The following PPM1E variants were observed in gnomAD, a reference collection of about 807,000 sequenced individuals.
PPM1E encodes the protein protein phosphatase 1E.
A neutral mutation model predicts 65.9 loss-of-function variants in PPM1E; 20 were observed. That is an observed-to-expected ratio of 0.30 (90% CI 0.21 to 0.44). The LOEUF (loss-of-function observed/expected upper bound fraction) is 0.44, where lower values mean the gene tolerates loss of function less well. PPM1E is among the 20% of genes least tolerant of loss of function. The pLI, the probability that PPM1E is intolerant of heterozygous loss-of-function variation, is 1.00. For missense variants in PPM1E, 713 were observed against 953.1 expected, an observed-to-expected ratio of 0.75 and a Z score of 3.32; for synonymous variants, 352 against 374.9, an observed-to-expected ratio of 0.94 and a Z score of 0.70.
chr17:58,956,411 G>A (rs1406281538), intron 2 of PPM1E, among the ~76,000 whole-genome samples: 1 of 151,432 alleles, frequency 6.6e-6, no homozygotes, highest in Non-Finnish European at 1.5e-5. Context: ...ACTCCAGCCT[G>A]GGAGAAAGAG....
intron 1 of PPM1E, among the ~76,000 whole-genome samples, chr17:58,897,143 G>T (rs1169743419): frequency 2.0e-5 from 3 of 152,108 alleles, no homozygotes; most frequent in Non-Finnish European, 4.4e-5. Flanking sequence ...GGCCGGGCGC[G>T]GTGGCTCACG....
intron 1 of PPM1E, among the ~76,000 whole-genome samples, chr17:58,813,004 A>C (rs1423534285): frequency 6.6e-6 from 1 of 152,198 alleles, no homozygotes; most frequent in Non-Finnish European, 1.5e-5. Flanking sequence ...ACAGTGATAC[A>C]TGTTTGTTTT....
intron 1 of PPM1E, among the ~76,000 whole-genome samples, chr17:58,846,647 C>T (rs905111661): frequency 2.0e-5 from 3 of 152,132 alleles, no homozygotes; most frequent in African/African-American, 7.2e-5. Context: ...ATATGTGCCA[C>T]GTTTTCTTAA....
rs533264865 is a variant in PPM1E, at chr17:58,840,523, A to G, written c.464+84062A>G. On this transcript the variant is annotated intron_variant, in intron 1 of 6. Coordinates refer to ENST00000308249, the MANE Select transcript of PPM1E (RefSeq NM_014906.5). Reference sequence around the variant, plus strand: ...ATCTTGGTTTCTAATATTATTCTTCAGTAAGAGTAACCAGGACTCCTTGGA... The same window carrying G: ...ATCTTGGTTTCTAATATTATTCTTCGGTAAGAGTAACCAGGACTCCTTGGA... 2.0e-5 allele frequency among the ~76,000 whole-genome samples: 3 copies of G among 152,302 alleles called. No individual in the cohort carries two copies. The South Asian group carries it at 6.2e-4, about 32-fold the overall frequency.
At chr17:58,868,740 G>C (rs1360554685) in intron 1 of PPM1E, among the ~76,000 whole-genome samples, 1 of 151,770 alleles carries the variant, frequency 6.6e-6, no homozygotes, top group African/African-American at 2.4e-5. Context: ...CCTTGGTTAG[G>C]GTATGGGACC....
intron 1 of PPM1E, among the ~76,000 whole-genome samples, chr17:58,784,480 C>T (rs2050078914): frequency 1.3e-5 from 2 of 150,450 alleles, no homozygotes; most frequent in South Asian, 2.1e-4. Flanking sequence ...TCATTCAAAT[C>T]CTTTACCCTC....
chr17:58,946,861 G>T (rs1396471751), intron 1 of PPM1E, among the ~76,000 whole-genome samples: 4 of 151,606 alleles, frequency 2.6e-5, no homozygotes. Context: ...TTTTCTGCTT[G>T]TGCTTTTGGT....
chr17:58,825,521 A>C (rs888951363), intron 1 of PPM1E, among the ~76,000 whole-genome samples: 2 of 151,880 alleles, frequency 1.3e-5, no homozygotes, highest in Non-Finnish European at 2.9e-5. Flanking sequence ...TTTTTTCAGG[A>C]AACAAATGAA....
intron 1 of PPM1E, among the ~76,000 whole-genome samples, chr17:58,927,978 T>TG (rs1156864677): frequency 6.6e-6 from 1 of 151,806 alleles, no homozygotes; most frequent in Non-Finnish European, 1.5e-5. Context: ...GAAAATCACT[T>TG]GAACCTGGGA....
intron 4 of PPM1E, among the ~76,000 whole-genome samples, chr17:58,970,362 A>G (rs1433100479): frequency 2.6e-5 from 4 of 152,196 alleles, no homozygotes; most frequent in African/African-American, 9.6e-5. Context: ...AAATTAATCT[A>G]ATTATCGTTC....
chr17:58,759,336 TGA>T (rs1415779783), intron 1 of PPM1E, among the ~76,000 whole-genome samples: 4 of 152,204 alleles, frequency 2.6e-5, no homozygotes, highest in Non-Finnish European at 5.9e-5. Context: ...AATGACAATC[TGA>T]GAATTTCTGA....
chr17:58,866,467 C>T (rs1390857955), intron 1 of PPM1E, among the ~76,000 whole-genome samples: 1 of 152,236 alleles, frequency 6.6e-6, no homozygotes, highest in Non-Finnish European at 1.5e-5. Context: ...CTGTGATCAG[C>T]CCATCCTCCA....
intron 1 of PPM1E, chr17:58,897,759 A>G (rs2051440819): frequency 1.3e-5 from 2 of 152,202 alleles, no homozygotes; most frequent in Non-Finnish European, 2.9e-5. Flanking sequence ...ATTAGGCTTC[A>G]TCTGTAACCC....
intron 1 of PPM1E, among the ~76,000 whole-genome samples, chr17:58,810,951 G>A (rs1287746617): frequency 3.3e-5 from 5 of 151,740 alleles, no homozygotes; most frequent in African/African-American, 1.2e-4. Context: ...TCCACCTCCC[G>A]GGTTCAAGCG....
chr17:58,852,049 G>A (rs1011968623), intron 1 of PPM1E, among the ~76,000 whole-genome samples: 6 of 152,180 alleles, frequency 3.9e-5, no homozygotes, highest in Admixed American at 1.3e-4. Context: ...AGCAGTGAAC[G>A]AGACTCTGTG....
At chr17:58,973,290 G>A (rs1406955180) in intron 6 of PPM1E, among the ~76,000 whole-genome samples, 5 of 151,934 alleles carry the variant, frequency 3.3e-5, no homozygotes, top group Middle Eastern at 3.4e-3. Context: ...GGTGGCGGGC[G>A]CCTGTAATCC....
At chr17:58,758,044 A>T (rs1477383110) in intron 1 of PPM1E, among the ~76,000 whole-genome samples, 1 of 152,242 alleles carries the variant, frequency 6.6e-6, no homozygotes, top group Non-Finnish European at 1.5e-5. Context: ...AATTTATCTT[A>T]GCAGCAGACT....
At chr17:58,811,835 T>C (rs960761898) in intron 1 of PPM1E, among the ~76,000 whole-genome samples, 3 of 152,036 alleles carry the variant, frequency 2.0e-5, no homozygotes, top group Non-Finnish European at 4.4e-5. Context: ...CATGCCCAGA[T>C]AATTTTTGTA....
Position 58,756,467 on chromosome 17 carries a change from G to A in PPM1E, c.464+6G>A. On this transcript the variant is annotated splice_donor_region_variant and intron_variant, in intron 1 of 6. Transcript: ENST00000308249. ...CTGCAGCAGCTCTACAAATAGTTAA[G>A]TAGCTGGGCTTGGCTGGTGGTGGGC... The A allele has an allele frequency of 7.8e-7, 1 of 1,288,254 alleles. No homozygotes were observed. The highest frequency in any genetic ancestry group is 9.8e-7 in the Non-Finnish European group (1 of 1,016,376). 79.8% of individuals were successfully genotyped at this position (1,288,254 alleles called of 1,614,324 possible). A position where few individuals can be genotyped will look rare whatever the true frequency, so the allele number is the denominator to read the frequency against.
Sources: gnomAD v4.1 joint callset for allele counts (sites outside exome capture counted in the v4.1 genomes callset) on GRCh38, gnomAD v4.1.1 for gene constraint, MANE v1.5 for transcripts, NCBI Gene and HGNC (gene_info 2026-07-23, HGNC 2026-07-21) for gene names.